MAD1L1: variants seen among roughly 807,000 people sequenced by gnomAD.
MAD1L1 encodes mitotic arrest deficient 1 like 1, also known as mitotic spindle assembly checkpoint protein MAD1.
In MAD1L1, 95 loss-of-function variants were observed where a neutral mutation model predicts 96.9. The ratio of observed to expected loss-of-function variants is 0.98; its 90% confidence interval spans 0.83 to 1.16. The LOEUF (loss-of-function observed/expected upper bound fraction) is 1.16. Among genes scored for constraint, MAD1L1 ranks in the 50% most tolerant of loss-of-function variants. MAD1L1 has a pLI of 0.00. For missense variants in MAD1L1, 1,007 were observed against 954.4 expected, an observed-to-expected ratio of 1.06 and a Z score of -0.73; for synonymous variants, 473 against 396.6, an observed-to-expected ratio of 1.19 and a Z score of -2.29.
chr7:1,859,811 A>G (rs11770148), intron 18 of MAD1L1, among the ~76,000 whole-genome samples: 26,453 of 123,574 alleles, frequency 0.21, 2,545 homozygotes, highest in Middle Eastern at 0.38. Context: ...CGTGACATCC[A>G]GCGGGGTGGC....
chr7:1,847,312 A>G (rs2128637484), intron 18 of MAD1L1: 1 of 471,148 alleles, frequency 2.1e-6, no homozygotes, highest in Non-Finnish European at 4.4e-6. Context: ...GCTGGATTAC[A>G]GAGCAGCAAA....
At chr7:1,921,011 G>T (rs1788758510) in intron 17 of MAD1L1, among the ~76,000 whole-genome samples, 1 of 152,206 alleles carries the variant, frequency 6.6e-6, no homozygotes, top group Admixed American at 6.5e-5. Flanking sequence ...CCAAAGAGAG[G>T]GTGGGGAGGT....
chr7:2,008,896 G>A (rs1782160714), intron 13 of MAD1L1, among the ~76,000 whole-genome samples: 1 of 152,216 alleles, frequency 6.6e-6, no homozygotes, highest in Non-Finnish European at 1.5e-5. Flanking sequence ...CCCAGGAGAG[G>A]CCAAGCCCAC....
intron 5 of MAD1L1, 59 bp from the exon 6 acceptor site, chr7:2,219,515 C>T (rs1360160440): frequency 3.2e-6 from 5 of 1,583,516 alleles, no homozygotes; most frequent in African/African-American, 1.4e-5. Flanking sequence ...GTGGAAGGAG[C>T]CTGCACATGG....
intron 12 of MAD1L1, among the ~76,000 whole-genome samples, chr7:2,050,735 C>G (rs1784132013): frequency 6.8e-6 from 1 of 146,370 alleles, no homozygotes; most frequent in Admixed American, 6.6e-5. Context: ...CCCAGTACCC[C>G]CGAGGGCGGC....
intron 12 of MAD1L1, among the ~76,000 whole-genome samples, chr7:2,026,284 T>C (rs984347335): frequency 3.3e-5 from 5 of 152,178 alleles, no homozygotes; most frequent in Admixed American, 6.5e-5. Flanking sequence ...ACAATTTATA[T>C]GTGCCTAATA....
chr7:1,948,357 C>T (rs1289871801), intron 16 of MAD1L1, among the ~76,000 whole-genome samples: 3 of 152,102 alleles, frequency 2.0e-5, no homozygotes, highest in African/African-American at 4.8e-5. Context: ...GTATAGCCTC[C>T]GCTCAGGGCC....
At chr7:2,115,268 G>T (rs1787609506) in intron 11 of MAD1L1, among the ~76,000 whole-genome samples, 1 of 151,948 alleles carries the variant, frequency 6.6e-6, no homozygotes, top group African/African-American at 2.4e-5. Context: ...CAGGGTCAGA[G>T]GAGGCGCTGG....
At chr7:2,178,434 C>T (rs984163884) in intron 10 of MAD1L1, among the ~76,000 whole-genome samples, 1 of 152,204 alleles carries the variant, frequency 6.6e-6, no homozygotes, top group Non-Finnish European at 1.5e-5. Flanking sequence ...GGTGCACATG[C>T]AGCCAACAGC....
At chr7:1,831,697 G>C (rs1782711080) in intron 18 of MAD1L1, among the ~76,000 whole-genome samples, 1 of 152,176 alleles carries the variant, frequency 6.6e-6, no homozygotes, top group Non-Finnish European at 1.5e-5. Flanking sequence ...AGCAGAACAG[G>C]CTTACTGCTA....
In MAD1L1 at chr7:2,142,437, C is replaced by T. The variant is rs752444175; in HGVS notation, c.1073+6715G>A. 6.6e-6 allele frequency among the ~76,000 whole-genome samples: 1 copy of T among 152,216 alleles called. No homozygotes were observed. The highest frequency in any genetic ancestry group is 1.9e-4 in the East Asian group (1 of 5,192). On this transcript the variant is annotated intron_variant, in intron 11 of 18. Transcript: ENST00000265854. The surrounding 1 kb of genome is among the most constrained non-coding windows in gnomAD (Gnocchi z 4.7). ...GGGCTGCGGGAGAAACTCTTGGGACCAGCCCCACATGGGACGCACAAGGGG... is the reference window on the plus strand; with the variant it reads ...GGGCTGCGGGAGAAACTCTTGGGACTAGCCCCACATGGGACGCACAAGGGG...
intron 12 of MAD1L1, among the ~76,000 whole-genome samples, chr7:2,065,150 C>T (rs146987549): frequency 6.6e-6 from 1 of 152,340 alleles, no homozygotes; most frequent in East Asian, 1.9e-4. Context: ...TGAGGGGTCC[C>T]CCCTTGTACT....
chr7:2,229,871 G>A (rs777113641), intron 3 of MAD1L1, 113 bp downstream of exon 3: 2 of 1,163,042 alleles, frequency 1.7e-6, no homozygotes, highest in Non-Finnish European at 2.4e-6. Context: ...ACGAATAGCT[G>A]TCTCTAGGCT....
At chr7:1,964,001 C>T (rs887474010) in intron 15 of MAD1L1, among the ~76,000 whole-genome samples, 1 of 152,220 alleles carries the variant, frequency 6.6e-6, no homozygotes, top group Non-Finnish European at 1.5e-5. Flanking sequence ...CCTCAGTCTT[C>T]ACATCAATCT....
At chr7:2,155,424 T>G (rs1302663600) in intron 10 of MAD1L1, among the ~76,000 whole-genome samples, 1 of 152,218 alleles carries the variant, frequency 6.6e-6, no homozygotes, top group Admixed American at 6.5e-5. Flanking sequence ...CCCAGAACTC[T>G]TAATTTTGCA....
At chr7:1,855,308 C>T (rs1201706257) in intron 18 of MAD1L1, among the ~76,000 whole-genome samples, 2 of 151,968 alleles carry the variant, frequency 1.3e-5, no homozygotes, top group East Asian at 3.9e-4. Context: ...GGGTTCTCTC[C>T]CTAGGGTTGC....
chr7:1,829,007 G>A lies in MAD1L1; in HGVS notation c.1999-12779C>T, dbSNP rs140232167. Among the ~76,000 whole-genome samples, 720 of 152,248 alleles carry A rather than the reference G, an allele frequency of 4.7e-3. 5 individuals are homozygous for A. The highest frequency in any genetic ancestry group is 0.016 in the African/African-American group (676 of 41,526). ...AGCTGCAGATACAACCACGGAAACC[G>A]TCCGAGATGAAACAGATGAGAAAAA... On this transcript the variant is annotated intron_variant, in intron 18 of 18. Coordinates refer to ENST00000265854, the MANE Select transcript of MAD1L1 (RefSeq NM_001013836.2).
intron 11 of MAD1L1, among the ~76,000 whole-genome samples, chr7:2,091,090 C>G (rs1786188109): frequency 6.6e-6 from 1 of 152,244 alleles, no homozygotes; most frequent in African/African-American, 2.4e-5. Flanking sequence ...CCTTCAGCCA[C>G]AGGAATGCTT....
chr7:1,855,996 GCA>G (rs1784230686), intron 18 of MAD1L1, among the ~76,000 whole-genome samples: 1 of 152,180 alleles, frequency 6.6e-6, no homozygotes, highest in Non-Finnish European at 1.5e-5. Flanking sequence ...CTGAGGGGAG[GCA>G]CTTCCTCGCG....
Sources: allele counts gnomAD v4.1 joint callset (sites outside exome capture counted in the v4.1 genomes callset), GRCh38; gene constraint gnomAD v4.1.1; non-coding constraint Gnocchi (gnomAD v3.1); transcripts MANE v1.5; gene names NCBI Gene and HGNC (gene_info 2026-07-23, HGNC 2026-07-21).